The following VWA5B1 variants were observed in gnomAD, a reference collection of about 807,000 sequenced individuals.
VWA5B1 encodes von Willebrand factor A domain containing 5B1, also known as von Willebrand factor A domain-containing protein 5B1.
Under a neutral mutation model 118.2 loss-of-function variants are expected in VWA5B1, and 115 were observed. That is an observed-to-expected ratio of 0.97 (90% CI 0.84 to 1.14). VWA5B1 has a LOEUF of 1.14. VWA5B1 is among the 50% of genes most tolerant of loss of function. The pLI is 0.00. For missense variants in VWA5B1, 1,596 were observed against 1,603.8 expected (o/e 1.00, Z 0.08); for synonymous variants, 682 against 658.4 (o/e 1.04, Z -0.55).
chr1:20,354,258 G>A lies in VWA5B1; in HGVS notation c.3643G>A (p.Val1215Met). The A allele has an allele frequency of 6.5e-7, 1 of 1,532,880 alleles. No homozygotes were observed. The highest frequency in any genetic ancestry group is 8.8e-7 in the Non-Finnish European group (1 of 1,134,732). The allele number at this position is 1,532,880 out of a possible 1,614,324, so 95.0% of individuals were successfully genotyped here. ...TATGCTCTGCTATAACCCGAATTATGTGTAGTTGAGTGACGGGGAGGCTGG... is the reference window on the plus strand; with the variant it reads ...TATGCTCTGCTATAACCCGAATTATATGTAGTTGAGTGACGGGGAGGCTGG... ...FNMLCYNPNY[V>M] Residue 1215 changes from valine (V) to methionine (M), a missense_variant, in exon 22 of 22, where the codon GTG becomes ATG. Coordinates refer to ENST00000289815, the MANE Select transcript of VWA5B1 (RefSeq NM_001039500.3).
At chr1:20,299,924 T>C (rs2315614) in intron 1 of VWA5B1, among the ~76,000 whole-genome samples, 110,558 of 152,166 alleles carry the variant, frequency 0.73, 40,736 homozygotes, top group East Asian at 0.94. Flanking sequence ...TTGCCGCAGT[T>C]GGTGTGGAAG....
In VWA5B1 at chr1:20,337,831, T is replaced by A. The variant is rs2089763508; in HGVS notation, c.2128T>A (p.Leu710Met). The A allele has an allele frequency of 6.4e-7, 1 of 1,551,606 alleles. No individual in the cohort carries two copies. Among genetic ancestry groups the A allele is most frequent in the Non-Finnish European group, 8.7e-7 (1 of 1,146,986 alleles). ...SLDVQRWQID[L>M]QPLLNSGQDL... ...GGATGTCCAGCGGTGGCAGATTGAT[T>A]TGCAGGTACCCAAGCAGGACAGATT... Residue 710 changes from leucine (L) to methionine (M), a missense_variant, in exon 14 of 22, where the codon TTG becomes ATG. Coordinates refer to ENST00000289815, the MANE Select transcript of VWA5B1 (RefSeq NM_001039500.3).
At chr1:20,305,860 C>G (rs2088636994) in intron 1 of VWA5B1, among the ~76,000 whole-genome samples, 1 of 151,960 alleles carries the variant, frequency 6.6e-6, no homozygotes, top group Non-Finnish European at 1.5e-5. Flanking sequence ...CGCCCCTGAC[C>G]TCATGGCCAG....
chr1:20,303,677 T>C (rs965290407), intron 1 of VWA5B1, among the ~76,000 whole-genome samples: 1 of 152,128 alleles, frequency 6.6e-6, no homozygotes, highest in African/African-American at 2.4e-5. Flanking sequence ...GGGACCTAGG[T>C]ACCCCTAACC....
intron 1 of VWA5B1, among the ~76,000 whole-genome samples, chr1:20,296,086 C>T (rs1300700032): frequency 6.6e-6 from 1 of 152,212 alleles, no homozygotes; most frequent in Non-Finnish European, 1.5e-5. Context: ...TGGTCTCGAA[C>T]TCCTGACCTC....
In VWA5B1 at chr1:20,352,048, T is replaced by C. The variant is rs2090140363; in HGVS notation, c.3024-7T>C. On this transcript the variant is annotated splice_polypyrimidine_tract_variant and splice_region_variant and intron_variant, in intron 20 of 21. Transcript: ENST00000289815. ...ATGCCCAGGGCCACCTGACTTCACC[T>C]GCACAGGCTAAATCTCAACAAGTCC... is the stretch of plus-strand genomic sequence containing the variant. 6.5e-7 allele frequency: 1 copy of C among 1,549,640 alleles called. No individual in the cohort carries two copies. The highest frequency in any genetic ancestry group is 1.4e-5 in the African/African-American group (1 of 72,964).
rs560029091 is a variant in VWA5B1, at chr1:20,330,527, C to A, written c.1457+145C>A. ...GGCTTTGCTTCCAAGATAGTGTGGG[C>A]TGATTTCAAAGTTCATCTTTTTCCC... On this transcript the variant is annotated intron_variant, in intron 10 of 21. Coordinates refer to ENST00000289815, the MANE Select transcript of VWA5B1 (RefSeq NM_001039500.3). The A allele has an allele frequency of 2.9e-5, 31 of 1,069,446 alleles. No homozygotes were observed. In the East Asian group the frequency reaches 7.8e-4, roughly 27 times the overall value. 66.2% of individuals were successfully genotyped at this position (1,069,446 alleles called of 1,614,324 possible). A position where few individuals can be genotyped will look rare whatever the true frequency, so the allele number is the denominator to read the frequency against.
At chr1:20,327,738 T>C (rs2089430794) in intron 8 of VWA5B1, among the ~76,000 whole-genome samples, 152 bp from the exon 9 acceptor site, 1 of 151,914 alleles carries the variant, frequency 6.6e-6, no homozygotes, top group South Asian at 2.1e-4. Context: ...AATTTCTTGA[T>C]GTGAGGGAAA....
At chr1:20,322,783 T>TTGTCCTCA (rs2089260799) in intron 7 of VWA5B1, among the ~76,000 whole-genome samples, 1 of 152,200 alleles carries the variant, frequency 6.6e-6, no homozygotes, top group Non-Finnish European at 1.5e-5. Context: ...GTATGTCTTC[T>TTGTCCTCA]TGTCCTCATT....
In VWA5B1 at chr1:20,336,141, G is replaced by A. The variant is rs566332881; in HGVS notation, c.1759-162G>A. ...AATTCCATTCACCATCTCTTGAACA[G>A]AAGTTTGTCTCAATTCCCTAAGCAA... On this transcript the variant is annotated intron_variant, in intron 12 of 21. Transcript: ENST00000289815. 7.9e-5 allele frequency among the ~76,000 whole-genome samples: 12 copies of A among 152,332 alleles called. No homozygotes were observed. The South Asian group carries it at 2.5e-3, about 32-fold the overall frequency.
At position 20,306,887 on chromosome 1, in the gene VWA5B1, A is replaced by G. The variant is rs565037223; in HGVS notation, c.-26-3689A>G. ...AATCTTTCTATGTGCCTCTTAGAGAATATGAGAGGGGATCCAATTTATAAC... is the reference window on the plus strand; with the variant it reads ...AATCTTTCTATGTGCCTCTTAGAGAGTATGAGAGGGGATCCAATTTATAAC... On this transcript the variant is annotated intron_variant, in intron 1 of 21. Coordinates refer to ENST00000289815, the MANE Select transcript of VWA5B1 (RefSeq NM_001039500.3). 5.9e-5 allele frequency among the ~76,000 whole-genome samples: 9 copies of G among 152,292 alleles called. No individual in the cohort carries two copies. The South Asian group carries it at 1.5e-3, about 25-fold the overall frequency.
At chr1:20,296,417 A>G (rs963264831) in intron 1 of VWA5B1, among the ~76,000 whole-genome samples, 8 of 152,224 alleles carry the variant, frequency 5.3e-5, no homozygotes, top group Non-Finnish European at 1.0e-4. Context: ...AAAAGAGGAC[A>G]TTGGAGGACT....
At position 20,312,831 on chromosome 1, in the gene VWA5B1, G is replaced by T. The variant is rs990003391; in HGVS notation, c.140-5G>T. ...ACCCCGTGATGCTGGGCCCTGCTCC[G>T]ACAGGCCTCTTCGTGTACCCCCTGG... On this transcript the variant is annotated splice_polypyrimidine_tract_variant and splice_region_variant and intron_variant, in intron 2 of 21. Coordinates refer to ENST00000289815, the MANE Select transcript of VWA5B1 (RefSeq NM_001039500.3). 3 of 1,547,482 alleles carry T rather than the reference G, an allele frequency of 1.9e-6. No homozygotes were observed. Among genetic ancestry groups the T allele is most frequent in the Non-Finnish European group, 2.6e-6 (3 of 1,144,262 alleles).
intron 1 of VWA5B1, among the ~76,000 whole-genome samples, chr1:20,299,068 G>T (rs1195540088): frequency 1.3e-5 from 2 of 152,150 alleles, no homozygotes; most frequent in African/African-American, 2.4e-5. Flanking sequence ...CACTTACAGG[G>T]TTATGAGGGA....
At chr1:20,293,576 C>T (rs1040353097) in intron 1 of VWA5B1, among the ~76,000 whole-genome samples, 1 of 152,198 alleles carries the variant, frequency 6.6e-6, no homozygotes, top group Non-Finnish European at 1.5e-5. Flanking sequence ...TTCTCGTGGT[C>T]TCACAGGCGT....
In VWA5B1 at chr1:20,354,135, C is replaced by T; in HGVS notation, c.3520C>T (p.Gln1174Ter). The T allele has an allele frequency of 1.9e-6, 3 of 1,551,380 alleles. No individual in the cohort carries two copies. Among genetic ancestry groups the T allele is most frequent in the Non-Finnish European group, 2.6e-6 (3 of 1,147,000 alleles). Residue 1174 changes from glutamine (Q) to a stop codon, truncating the protein, a stop_gained, in exon 22 of 22, where the codon CAG (glutamine) becomes TAG (stop). Coordinates refer to ENST00000289815, the MANE Select transcript of VWA5B1 (RefSeq NM_001039500.3). LOFTEE classifies it high-confidence loss of function. ...AAKANSWLEQ[Q>*]EVPEGRTQGT... ...CAAGGCCAACTCATGGCTGGAGCAG[C>T]AGGAAGTACCCGAGGGCCGCACGCA...
At chr1:20,308,040 G>A (rs11589079) in intron 1 of VWA5B1, among the ~76,000 whole-genome samples, 1 of 151,808 alleles carries the variant, frequency 6.6e-6, no homozygotes, top group African/African-American at 2.4e-5. Flanking sequence ...TTCCCTCCCC[G>A]ACCAGTAGTC....
At chr1:20,353,531 G>A (rs2101029214) in intron 21 of VWA5B1, among the ~76,000 whole-genome samples, 1 of 152,294 alleles carries the variant, frequency 6.6e-6, no homozygotes, top group South Asian at 2.1e-4. Flanking sequence ...CACCCACCTA[G>A]GACAAGAGGC....
chr1:20,307,159 C>A (rs951566000), intron 1 of VWA5B1, among the ~76,000 whole-genome samples: 2 of 152,150 alleles, frequency 1.3e-5, no homozygotes, highest in Admixed American at 6.5e-5. Context: ...TAGTGTTGAC[C>A]CTCACACACT....
Sources: gnomAD v4.1 joint callset for allele counts (sites outside exome capture counted in the v4.1 genomes callset) on GRCh38, gnomAD v4.1.1 for gene constraint, MANE v1.5 for transcripts, NCBI Gene and HGNC (gene_info 2026-07-23, HGNC 2026-07-21) for gene names.